The following TUFT1 variants were observed in gnomAD, a reference collection of about 807,000 sequenced individuals.
TUFT1 encodes tuftelin 1.
TUFT1 carries 43 observed loss-of-function variants against 57.8 expected under a neutral mutation model. The observed-to-expected ratio is 0.74, with a 90% confidence interval of 0.58 to 0.96. The LOEUF is 0.96. TUFT1 is among the 40% of genes least tolerant of loss of function. The probability of loss-of-function intolerance (pLI) is 0.00; values close to 1 mark genes in which losing one functional copy is unlikely to be tolerated. For synonymous variants in TUFT1, 166 were observed against 176.7 expected (o/e 0.94, Z 0.48); for missense variants, 459 against 489.0 (o/e 0.94, Z 0.58).
chr1:151,582,082 C>T lies in TUFT1; in HGVS notation c.*375C>T. On this transcript the variant is annotated 3_prime_UTR_variant, in exon 13 of 13. Transcript: ENST00000368849. Reference sequence around the variant, plus strand: ...AGAGGTGACAAGATTTGCCTCAGCCCTAAAAGCTGGAGACACAGATGTCCA... The same window carrying T: ...AGAGGTGACAAGATTTGCCTCAGCCTTAAAAGCTGGAGACACAGATGTCCA... 2.0e-6 allele frequency: 1 copy of T among 497,634 alleles called. No individual in the cohort carries two copies. The highest frequency in any genetic ancestry group is 3.9e-6 in the Non-Finnish European group (1 of 254,580). The allele number at this position is 497,634 out of a possible 1,614,324, so 30.8% of individuals were successfully genotyped here. A position where few individuals can be genotyped will look rare whatever the true frequency, so the allele number is the denominator to read the frequency against.
intron 7 of TUFT1, among the ~76,000 whole-genome samples, chr1:151,571,329 G>A (rs965943547): frequency 6.6e-6 from 1 of 152,126 alleles, no homozygotes; most frequent in Admixed American, 6.5e-5. Context: ...TTGGAAAAAG[G>A]GTTAATGAAA....
chr1:151,557,986 ACTT>A, intron 1 of TUFT1: 1 of 490,982 alleles, frequency 2.0e-6, no homozygotes, highest in Non-Finnish European at 3.8e-6. Context: ...CAGCAAAAAA[ACTT>A]AAAAAAAAAA....
At chr1:151,552,152 T>C (rs1187817671) in intron 1 of TUFT1, among the ~76,000 whole-genome samples, 1 of 152,220 alleles carries the variant, frequency 6.6e-6, no homozygotes, top group Non-Finnish European at 1.5e-5. Flanking sequence ...AACATCTTTG[T>C]GAGATTTACT....
chr1:151,565,991 T>G, intron 5 of TUFT1, 172 bp from the exon 6 acceptor site: 8 of 478,246 alleles, frequency 1.7e-5, no homozygotes, highest in East Asian at 7.1e-5. Context: ...CCTTTCTTCA[T>G]TCCTTCCTTT....
At position 151,562,117 on chromosome 1, in the gene TUFT1, T is replaced by C. The variant is rs750642203; in HGVS notation, c.87T>C (p.Thr29=). The C allele has an allele frequency of 1.2e-6, 2 of 1,614,128 alleles. No homozygotes were observed. The highest frequency in any genetic ancestry group is 2.2e-5 in the South Asian group (2 of 91,064). The part of the protein sequence containing the change: ...AAGSVDILRL[T]LQGELTGDEL... The stretch of plus-strand genomic sequence containing the variant: ...GCAGCGTGGACATTCTCAGGCTGAC[T>C]CTCCAGGGTGAACTGACAGGAGATG... Residue 29 remains threonine (T), a synonymous_variant, in exon 2 of 13, where the codon ACT becomes ACC. Transcript: ENST00000368849.
At chr1:151,574,455 A>G (rs6660238) in intron 8 of TUFT1, 57 bp downstream of exon 8, 1,469,484 of 1,605,886 alleles carry the variant, frequency 0.92, 673,072 homozygotes, top group South Asian at 0.98. Context: ...AGGGGCCTGC[A>G]GGTGGATCGA....
chr1:151,580,387 G>A (rs1431979348), intron 11 of TUFT1, among the ~76,000 whole-genome samples: 2 of 152,210 alleles, frequency 1.3e-5, no homozygotes, highest in African/African-American at 4.8e-5. Flanking sequence ...GGGGCCAGGT[G>A]CAGTGGCTCA....
At chr1:151,579,802 G>A in intron 11 of TUFT1, 70 bp downstream of exon 11, 10 of 1,444,384 alleles carry the variant, frequency 6.9e-6, no homozygotes, top group South Asian at 3.6e-5. Flanking sequence ...GGGAGACAGA[G>A]GTTATGGGAG....
chr1:151,569,827 T>C, intron 7 of TUFT1, 57 bp downstream of exon 7: 1 of 1,341,200 alleles, frequency 7.5e-7, no homozygotes, highest in Non-Finnish European at 1.1e-6. Context: ...TGAACACAGG[T>C]GCCAGTGATG....
intron 1 of TUFT1, among the ~76,000 whole-genome samples, chr1:151,560,371 G>A (rs549454778): frequency 1.3e-5 from 2 of 152,040 alleles, no homozygotes; most frequent in African/African-American, 2.4e-5. Context: ...AGCCAAGATC[G>A]TGTCACTGCA....
At chr1:151,547,563 G>T (rs945736764) in intron 1 of TUFT1, among the ~76,000 whole-genome samples, 1 of 152,176 alleles carries the variant, frequency 6.6e-6, no homozygotes, top group Non-Finnish European at 1.5e-5. Flanking sequence ...GACAATATAG[G>T]GTAAGAAGGG....
At chr1:151,566,817 T>C (rs12564097) in intron 6 of TUFT1, among the ~76,000 whole-genome samples, 76,336 of 151,820 alleles carry the variant, frequency 0.5, 22,121 homozygotes, top group Middle Eastern at 0.67. Flanking sequence ...CTAAAGAGTA[T>C]ATTATAACCT....
chr1:151,561,916 C>G (rs990404057), intron 1 of TUFT1, 175 bp from the exon 2 acceptor site: 10 of 1,516,496 alleles, frequency 6.6e-6, no homozygotes, highest in Non-Finnish European at 7.1e-6. Flanking sequence ...ACCCCAAACA[C>G]CTGATCTTGG....
At chr1:151,549,837 T>G (rs997035737) in intron 1 of TUFT1, among the ~76,000 whole-genome samples, 3 of 152,172 alleles carry the variant, frequency 2.0e-5, no homozygotes, top group Non-Finnish European at 4.4e-5. Flanking sequence ...TCCTCTCACC[T>G]CAGCTTCCCT....
chr1:151,559,806 CTTTT>C (rs1341420590), intron 1 of TUFT1, among the ~76,000 whole-genome samples: 2 of 151,828 alleles, frequency 1.3e-5, no homozygotes, highest in Non-Finnish European at 2.9e-5. Context: ...TTTTCTTTTT[CTTTT>C]TGAGACAGCA....
rs139986583 is a variant in TUFT1 at position 151,581,829 on chromosome 1, G to A, written c.*122G>A. The A allele has an allele frequency of 1.1e-3, 1,153 of 1,016,804 alleles. 10 individuals are homozygous for A. The African/African-American group carries it at 0.015, about 14-fold the overall frequency. The allele number at this position is 1,016,804 out of a possible 1,614,324, so 63.0% of individuals were successfully genotyped here. On this transcript the variant is annotated 3_prime_UTR_variant, in exon 13 of 13. Coordinates refer to ENST00000368849, the MANE Select transcript of TUFT1 (RefSeq NM_020127.3). The stretch of plus-strand genomic sequence containing the variant: ...GTCCCCTGGCTGCACCCAGGACTTC[G>A]GGCTCCTGTGTCTCACCATTCCCAA...
intron 1 of TUFT1, among the ~76,000 whole-genome samples, chr1:151,553,949 T>G (rs1665591299): frequency 6.6e-6 from 1 of 152,232 alleles, no homozygotes; most frequent in African/African-American, 2.4e-5. Flanking sequence ...AATGACTGTT[T>G]GGGTATCCTC....
At chr1:151,574,485 CT>C (rs1571716985) in intron 8 of TUFT1, 87 bp downstream of exon 8, 2 of 1,543,036 alleles carry the variant, frequency 1.3e-6, no homozygotes, top group East Asian at 4.5e-5. Context: ...CGAGACCCTT[CT>C]TTTCCAAGCC....
intron 1 of TUFT1, among the ~76,000 whole-genome samples, chr1:151,559,023 G>A (rs1665800306): frequency 6.6e-6 from 1 of 152,114 alleles, no homozygotes; most frequent in Admixed American, 6.5e-5. Flanking sequence ...GACCTCAGGT[G>A]ATCCACCCAC....
Sources: gnomAD v4.1 joint callset for allele counts (sites outside exome capture counted in the v4.1 genomes callset) on GRCh38, gnomAD v4.1.1 for gene constraint, MANE v1.5 for transcripts, NCBI Gene and HGNC (gene_info 2026-07-23, HGNC 2026-07-21) for gene names.